Variants in ABCD2 observed in about 807,000 individuals in gnomAD.
ABCD2 encodes the protein ATP-binding cassette sub-family D member 2.
In ABCD2, 36 loss-of-function variants were observed where a neutral mutation model predicts 70.9. The ratio of observed to expected loss-of-function variants is 0.51; its 90% CI spans 0.39 to 0.67. ABCD2 has a LOEUF of 0.67. ABCD2 is among the 30% of genes least tolerant of loss of function. The pLI is 0.00. For synonymous variants in ABCD2, 304 were observed against 306.9 expected, an observed-to-expected ratio of 0.99 and a Z score of 0.10; for missense variants, 729 against 890.2, an observed-to-expected ratio of 0.82 and a Z score of 2.30.
chr12:39,538,777 G>A, the ABCD2 span, among the ~76,000 whole-genome samples: 1 of 152,188 alleles, frequency 6.6e-6, no homozygotes, highest in African/African-American at 2.4e-5. Context: ...GCAGAAGCGG[G>A]AAGAGAGCCG....
At chr12:39,534,409 T>C in the ABCD2 span, among the ~76,000 whole-genome samples, 2 of 152,208 alleles carry the variant, frequency 1.3e-5, no homozygotes, top group Non-Finnish European at 1.5e-5. Flanking sequence ...CCTCCTATCA[T>C]TAGTTTCTCT....
At chr12:39,609,138 T>C (rs546063675) in intron 2 of ABCD2, among the ~76,000 whole-genome samples, 1 of 152,322 alleles carries the variant, frequency 6.6e-6, no homozygotes, top group Admixed American at 6.5e-5. Context: ...GTCTAACACA[T>C]AGTACTCCTT....
At chr12:39,609,830 A>T (rs1426656159) in intron 2 of ABCD2, among the ~76,000 whole-genome samples, 1 of 152,172 alleles carries the variant, frequency 6.6e-6, no homozygotes, top group East Asian at 1.9e-4. Context: ...ATGAGGTAAA[A>T]TTCACCCAGC....
intron 6 of ABCD2, among the ~76,000 whole-genome samples, chr12:39,595,248 T>G (rs184256786): frequency 6.6e-6 from 1 of 152,296 alleles, no homozygotes; most frequent in African/African-American, 2.4e-5. Flanking sequence ...CATCTTAAGA[T>G]GCTTAAATGT....
At chr12:39,583,112 G>A (rs1041658662) in intron 7 of ABCD2, among the ~76,000 whole-genome samples, 1 of 152,008 alleles carries the variant, frequency 6.6e-6, no homozygotes, top group Non-Finnish European at 1.5e-5. Flanking sequence ...TACCCTCCTC[G>A]GCCTCCCAAA....
intron 6 of ABCD2, among the ~76,000 whole-genome samples, chr12:39,594,348 T>TATA (rs1555219331): frequency 0.017 from 2,585 of 151,822 alleles, 74 homozygotes; most frequent in African/African-American, 0.058. Flanking sequence ...ATAAGAAACT[T>TATA]ATATATGTAG....
intron 6 of ABCD2, among the ~76,000 whole-genome samples, chr12:39,589,237 T>TG (rs1191715446): frequency 6.6e-6 from 1 of 152,156 alleles, no homozygotes; most frequent in Non-Finnish European, 1.5e-5. Context: ...GCCATTAGGT[T>TG]GAAGGATAGA....
At chr12:39,539,155 C>T in the ABCD2 span, among the ~76,000 whole-genome samples, 1 of 152,174 alleles carries the variant, frequency 6.6e-6, no homozygotes, top group Non-Finnish European at 1.5e-5. Context: ...CTGCATTCTT[C>T]CATTTGGTAC....
At chr12:39,568,451 T>C (rs1941393277) in intron 9 of ABCD2, among the ~76,000 whole-genome samples, 1 of 152,240 alleles carries the variant, frequency 6.6e-6, no homozygotes, top group African/African-American at 2.4e-5. Flanking sequence ...ACCATGTTCA[T>C]TCTCGTGCCA....
At chr12:39,562,855 A>T (rs1941280729) in intron 9 of ABCD2, among the ~76,000 whole-genome samples, 1 of 152,170 alleles carries the variant, frequency 6.6e-6, no homozygotes, top group African/African-American at 2.4e-5. Context: ...AAAGACAACA[A>T]CAAGAAAAAG....
At chr12:39,569,772 C>T (rs1322680201) in intron 9 of ABCD2, among the ~76,000 whole-genome samples, 7 of 152,114 alleles carry the variant, frequency 4.6e-5, no homozygotes, top group Non-Finnish European at 8.8e-5. Flanking sequence ...TGGCTCCACT[C>T]CCCCAGATAA....
intron 6 of ABCD2, among the ~76,000 whole-genome samples, chr12:39,589,938 G>A (rs1941722927): frequency 6.6e-6 from 1 of 151,990 alleles, no homozygotes; most frequent in Non-Finnish European, 1.5e-5. Flanking sequence ...AGCCGCTTAG[G>A]TTTTTATTAA....
chr12:39,608,618 G>A (rs7294726), intron 2 of ABCD2, among the ~76,000 whole-genome samples: 3,975 of 152,186 alleles, frequency 0.026, 167 homozygotes, highest in African/African-American at 0.089. Flanking sequence ...AACCCAGGAG[G>A]TGAAGGTTGC....
Position 39,554,086 on chromosome 12 carries a change from C to A in ABCD2, c.2049G>T (p.Trp683Cys), listed in dbSNP as rs1428370330. Reference protein sequence around the residue: ...HLLQFDGEGGWRFEQLDTAIR... With the variant: ...HLLQFDGEGGCRFEQLDTAIR... Reference sequence around the variant, plus strand: ...TAGCAGTATCCAATTGTTCAAAGCGCCAACCTCCTTCACCATCAAACTGTA... The same window carrying A: ...TAGCAGTATCCAATTGTTCAAAGCGACAACCTCCTTCACCATCAAACTGTA... Residue 683 changes from tryptophan to cysteine, a missense_variant, in exon 10 of 10, where the codon TGG becomes TGT. Physicochemically the swap from Trp to Cys is radical, Grantham distance 215. Coordinates refer to ENST00000308666, the MANE Select transcript of ABCD2 (RefSeq NM_005164.4). The A allele has an allele frequency of 1.2e-6, 2 of 1,613,558 alleles. No homozygotes were observed. The highest frequency in any genetic ancestry group is 2.2e-5 in the South Asian group (2 of 91,064).
At chr12:39,558,101 G>T (rs900595702) in intron 9 of ABCD2, among the ~76,000 whole-genome samples, 1 of 152,186 alleles carries the variant, frequency 6.6e-6, no homozygotes, top group Non-Finnish European at 1.5e-5. Flanking sequence ...AAGCTACAGG[G>T]GTGAGCAGCC....
intron 6 of ABCD2, among the ~76,000 whole-genome samples, chr12:39,587,659 T>C (rs1223573578): frequency 2.0e-5 from 3 of 152,324 alleles, no homozygotes; most frequent in South Asian, 4.1e-4. Flanking sequence ...CAAGGTGGAA[T>C]GGATAGGCAG....
chr12:39,580,822 A>C (rs1342738133), intron 7 of ABCD2, among the ~76,000 whole-genome samples: 3 of 152,166 alleles, frequency 2.0e-5, no homozygotes, highest in African/African-American at 7.2e-5. Flanking sequence ...TTTACCATTA[A>C]AATTTTGAAA....
intron 2 of ABCD2, among the ~76,000 whole-genome samples, chr12:39,611,201 C>T (rs1397205426): frequency 6.6e-6 from 1 of 152,102 alleles, no homozygotes; most frequent in East Asian, 1.9e-4. Context: ...AAATGTACAT[C>T]ACAAAGAGTG....
intron 8 of ABCD2, among the ~76,000 whole-genome samples, chr12:39,577,656 T>C (rs1396336092): frequency 1.3e-5 from 2 of 152,190 alleles, no homozygotes; most frequent in Non-Finnish European, 2.9e-5. Flanking sequence ...ACTTTGAATA[T>C]GAACCATATA....
Sources: gnomAD v4.1 joint callset for allele counts (sites outside exome capture counted in the v4.1 genomes callset) on GRCh38, gnomAD v4.1.1 for gene constraint, MANE v1.5 for transcripts, NCBI Gene and HGNC (gene_info 2026-07-23, HGNC 2026-07-21) for gene names.